DGKB: variants seen among roughly 807,000 people sequenced by gnomAD.
The protein encoded by DGKB is 90 kDa diacylglycerol kinase.
Under a neutral mutation model 114.3 loss-of-function variants are expected in DGKB, and 67 were observed. The observed-to-expected ratio is 0.59, with a 90% CI of 0.48 to 0.72. The LOEUF (loss-of-function observed/expected upper bound fraction) is 0.72. Ranked by LOEUF, DGKB falls within the 30% of genes least tolerant of loss-of-function variation. DGKB has a pLI of 0.00. For synonymous variants in DGKB, 398 were observed against 323.1 expected (o/e 1.23, Z -2.49); for missense variants, 907 against 975.2 (o/e 0.93, Z 0.93).
At chr7:14,512,424 A>G (rs1396434384) in intron 20 of DGKB, among the ~76,000 whole-genome samples, 1 of 152,202 alleles carries the variant, frequency 6.6e-6, no homozygotes, top group African/African-American at 2.4e-5. Context: ...TTTTTCTTGT[A>G]GTATATTAAC....
At chr7:14,681,270 C>A (rs368740077) in intron 12 of DGKB, among the ~76,000 whole-genome samples, 1 of 152,056 alleles carries the variant, frequency 6.6e-6, no homozygotes, top group Non-Finnish European at 1.5e-5. Context: ...TTTTAAAAAA[C>A]TATCTTTCAT....
At chr7:14,778,436 A>C (rs7788183) in intron 2 of DGKB, among the ~76,000 whole-genome samples, 120,892 of 152,128 alleles carry the variant, frequency 0.79, 48,788 homozygotes, top group African/African-American at 0.94. Flanking sequence ...ACATTACAAT[A>C]TATTTTTAAA....
At chr7:14,557,360 G>A (rs1796019217) in intron 20 of DGKB, among the ~76,000 whole-genome samples, 1 of 151,756 alleles carries the variant, frequency 6.6e-6, no homozygotes, top group Non-Finnish European at 1.5e-5. Context: ...ATTATGCTGT[G>A]TATTTATTTC....
chr7:14,697,979 A>AAGAG, intron 8 of DGKB, 116 bp downstream of exon 8: 1 of 649,590 alleles, frequency 1.5e-6, no homozygotes, highest in Non-Finnish European at 2.7e-6. Context: ...GAAAGAAAGA[A>AAGAG]AGAGAGAGAG....
chr7:14,168,762 C>T (rs1176790604), intron 25 of DGKB, among the ~76,000 whole-genome samples: 1 of 152,200 alleles, frequency 6.6e-6, no homozygotes, highest in Non-Finnish European at 1.5e-5. Flanking sequence ...AATTGGAATG[C>T]TGTTAAGAAG....
chr7:14,741,843 A>T (rs1832630301), intron 4 of DGKB, among the ~76,000 whole-genome samples: 1 of 152,210 alleles, frequency 6.6e-6, no homozygotes, highest in African/African-American at 2.4e-5. Flanking sequence ...AAAGTTGGGT[A>T]GCTAGGGATT....
chr7:14,879,475 G>C (rs967333171), intron 1 of DGKB, among the ~76,000 whole-genome samples: 1 of 152,070 alleles, frequency 6.6e-6, no homozygotes, highest in African/African-American at 2.4e-5. Context: ...ATCTTGTCAG[G>C]CTCTCTTAAA....
intron 20 of DGKB, among the ~76,000 whole-genome samples, chr7:14,501,844 C>T (rs542572944): frequency 1.3e-5 from 2 of 151,866 alleles, no homozygotes; most frequent in Non-Finnish European, 2.9e-5. Flanking sequence ...AGGAGCTGTA[C>T]CTGAGGAAGT....
At chr7:14,606,384 A>G (rs1804512080) in intron 17 of DGKB, among the ~76,000 whole-genome samples, 1 of 152,062 alleles carries the variant, frequency 6.6e-6, no homozygotes, top group African/African-American at 2.4e-5. Context: ...TGGGAAACTG[A>G]TCCCAGACAG....
chr7:14,753,271 G>A (rs1834373828), intron 4 of DGKB, among the ~76,000 whole-genome samples: 1 of 152,146 alleles, frequency 6.6e-6, no homozygotes, highest in African/African-American at 2.4e-5. Flanking sequence ...TTTCTACAGT[G>A]GCGAAGACAA....
At chr7:14,618,250 T>G (rs755264732) in intron 15 of DGKB, among the ~76,000 whole-genome samples, 30 of 151,562 alleles carry the variant, frequency 2.0e-4, no homozygotes, top group Admixed American at 1.3e-4. Context: ...GTTTACAGTC[T>G]TGGTGATTAC....
intron 20 of DGKB, among the ~76,000 whole-genome samples, chr7:14,571,956 G>C (rs1348078050): frequency 6.6e-6 from 1 of 151,960 alleles, no homozygotes; most frequent in Non-Finnish European, 1.5e-5. Flanking sequence ...AAAATCCAGA[G>C]AATTAAAGAT....
upstream of DGKB, among the ~76,000 whole-genome samples, chr7:14,904,841 T>G (rs1016299748): frequency 5.9e-5 from 9 of 152,260 alleles, no homozygotes; most frequent in African/African-American, 2.2e-4. Context: ...TTTATACTTG[T>G]GTACACTGCA....
At chr7:14,197,979 T>A (rs1306779466) in intron 23 of DGKB, among the ~76,000 whole-genome samples, 1 of 152,200 alleles carries the variant, frequency 6.6e-6, no homozygotes, top group Non-Finnish European at 1.5e-5. Context: ...GTCTGGGGAC[T>A]CATTTTGGAC....
At chr7:14,832,486 T>C (rs1219580341) in intron 2 of DGKB, among the ~76,000 whole-genome samples, 1 of 152,084 alleles carries the variant, frequency 6.6e-6, no homozygotes, top group East Asian at 1.9e-4. Flanking sequence ...CTCTCTGTCT[T>C]TCCTGTTTTC....
intron 2 of DGKB, among the ~76,000 whole-genome samples, chr7:14,824,383 G>C (rs986641725): frequency 6.6e-6 from 1 of 151,966 alleles, no homozygotes; most frequent in African/African-American, 2.4e-5. Flanking sequence ...TTTAGAATTG[G>C]GTAAGGACCT....
At chr7:14,851,175 G>C (rs182415342) in intron 1 of DGKB, among the ~76,000 whole-genome samples, 170 of 152,206 alleles carry the variant, frequency 1.1e-3, no homozygotes, top group Non-Finnish European at 1.2e-3. Flanking sequence ...AGGAGTATGT[G>C]GGTGGCTTAA....
chr7:14,934,046 G>A (rs1587410049), intron 1 of DGKB, among the ~76,000 whole-genome samples: 1 of 152,018 alleles, frequency 6.6e-6, no homozygotes, highest in Non-Finnish European at 1.5e-5. Context: ...AATACTATGG[G>A]CCTGAATACC....
At chr7:14,566,779 C>A (rs1024688741) in intron 20 of DGKB, among the ~76,000 whole-genome samples, 2 of 152,010 alleles carry the variant, frequency 1.3e-5, no homozygotes, top group African/African-American at 4.8e-5. Context: ...CTCTTTCTTA[C>A]CTCAAGTCTT....
Sources: gnomAD v4.1 joint callset for allele counts (sites outside exome capture counted in the v4.1 genomes callset) on GRCh38, gnomAD v4.1.1 for gene constraint, MANE v1.5 for transcripts, NCBI Gene and HGNC (gene_info 2026-07-23, HGNC 2026-07-21) for gene names.